Variants in PBRM1 observed in about 807,000 individuals in gnomAD.
PBRM1 encodes the protein protein polybromo-1.
Under a neutral mutation model 194.5 loss-of-function variants are expected in PBRM1, and 27 were observed. The ratio of observed to expected loss-of-function variants is 0.14; its 90% confidence interval spans 0.10 to 0.19. PBRM1 has a LOEUF of 0.19. Ranked by LOEUF, PBRM1 falls within the 10% of genes least tolerant of loss-of-function variation. The probability of loss-of-function intolerance (pLI) is 1.00; values close to 1 mark genes in which losing one functional copy is unlikely to be tolerated. For missense variants in PBRM1, 1,466 were observed against 2,077.2 expected (o/e 0.71, Z 5.72); for synonymous variants, 655 against 693.2 (o/e 0.94, Z 0.87).
intron 12 of PBRM1, among the ~76,000 whole-genome samples, chr3:52,628,414 ATATAT>A (rs1362839943): frequency 1.3e-5 from 2 of 148,568 alleles, no homozygotes; most frequent in African/African-American, 2.4e-5. Context: ...CATAATAAAT[ATATAT>A]TATAATACAT....
intron 13 of PBRM1, among the ~76,000 whole-genome samples, chr3:52,623,822 T>C (rs186973441): frequency 1.3e-5 from 2 of 152,310 alleles, no homozygotes; most frequent in African/African-American, 4.8e-5. Context: ...GAACTCAGGG[T>C]TGTAACACTA....
chr3:52,559,103 A>G (rs17052256), intron 25 of PBRM1, among the ~76,000 whole-genome samples: 63,235 of 152,092 alleles, frequency 0.42, 13,390 homozygotes, highest in Admixed American at 0.5. Context: ...TTAAATAAAC[A>G]CGTATGTAGC....
intron 14 of PBRM1, among the ~76,000 whole-genome samples, 183 bp downstream of exon 16, chr3:52,617,079 G>A (rs1202378441): frequency 1.3e-5 from 2 of 152,108 alleles, no homozygotes; most frequent in African/African-American, 4.8e-5. Context: ...TTACAAAGTA[G>A]GAACGTTTAT....
intron 6 of PBRM1, among the ~76,000 whole-genome samples, chr3:52,650,961 G>A (rs1210681847): frequency 6.6e-6 from 1 of 152,146 alleles, no homozygotes; most frequent in Non-Finnish European, 1.5e-5. Flanking sequence ...ACTCTGTACA[G>A]AAACAGTAAG....
At chr3:52,549,023 G>GTT (rs530711822) in intron 29 of PBRM1, among the ~76,000 whole-genome samples, 140 of 138,346 alleles carry the variant, frequency 1.0e-3, no homozygotes, top group Middle Eastern at 7.6e-3. Context: ...AGGTAAAATA[G>GTT]TTTTTTTTTT....
chr3:52,650,002 T>G (rs1021409059), intron 6 of PBRM1, among the ~76,000 whole-genome samples: 3 of 152,032 alleles, frequency 2.0e-5, no homozygotes, highest in African/African-American at 7.2e-5. Flanking sequence ...CCTACACAGA[T>G]GTTAGAAATT....
exon 25 of PBRM1, chr3:52,561,845 A>C: frequency 6.2e-7 from 1 of 1,614,166 alleles, no homozygotes; most frequent in South Asian, 1.1e-5. Context: ...CCGAAAGAGT[A>C]GTCTGGGTGT....
At chr3:52,554,701 G>C in intron 27 of PBRM1, 23 bp downstream of exon 29, 1 of 1,531,386 alleles carries the variant, frequency 6.5e-7, no homozygotes, top group East Asian at 2.4e-5. Context: ...AGATTAATGA[G>C]TGAATGAGGA....
intron 7 of PBRM1, among the ~76,000 whole-genome samples, chr3:52,647,451 AAAAAAAATATATATATAT>A (rs1409212994): frequency 1.3e-5 from 1 of 75,408 alleles, no homozygotes; most frequent in East Asian, 3.2e-4. Context: ...AAAAAAAAAA[AAAAAAAATATATATATAT>A]ATATATATAT....
chr3:52,652,452 G>A (rs947646860), intron 5 of PBRM1, among the ~76,000 whole-genome samples: 3 of 151,794 alleles, frequency 2.0e-5, no homozygotes, highest in African/African-American at 7.3e-5. Context: ...ACTTTGGGAG[G>A]CCGAGGCGGG....
intron 11 of PBRM1, among the ~76,000 whole-genome samples, chr3:52,630,720 C>T (rs1032692707): frequency 1.3e-5 from 2 of 152,170 alleles, no homozygotes; most frequent in African/African-American, 2.4e-5. Flanking sequence ...AACAACTTCC[C>T]TATTCCTTAC....
At chr3:52,639,164 G>T (rs1445837635) in intron 10 of PBRM1, among the ~76,000 whole-genome samples, 1 of 151,930 alleles carries the variant, frequency 6.6e-6, no homozygotes, top group African/African-American at 2.4e-5. Flanking sequence ...TAGAGACAGA[G>T]AAAGTTTCTC....
chr3:52,547,380 T>G, downstream of PBRM1: 2 of 233,182 alleles, frequency 8.6e-6, no homozygotes, highest in African/African-American at 2.2e-5. Flanking sequence ...AGGAGGTACA[T>G]TAGCTGCAGA....
intron 17 of PBRM1, among the ~76,000 whole-genome samples, chr3:52,602,996 A>C (rs1489148084): frequency 1.3e-5 from 2 of 152,246 alleles, no homozygotes; most frequent in African/African-American, 4.8e-5. Context: ...TGTAATCATA[A>C]GGTCCTGTTA....
intron 10 of PBRM1, among the ~76,000 whole-genome samples, chr3:52,639,357 C>T (rs1481127851): frequency 6.6e-6 from 1 of 152,098 alleles, no homozygotes; most frequent in Non-Finnish European, 1.5e-5. Flanking sequence ...GACAATCTCA[C>T]CTCAGACTTA....
intron 26 of PBRM1, among the ~76,000 whole-genome samples, chr3:52,556,657 G>A (rs2082280210): frequency 6.6e-6 from 1 of 152,192 alleles, no homozygotes; most frequent in African/African-American, 2.4e-5. Flanking sequence ...AAGCAAAGCT[G>A]GTCTCAAGAC....
rs116758482 is a variant in PBRM1 at position 52,662,287 on chromosome 3, G to T, written c.385-11C>A. ...TTCAGGAGAATCTGGCTGTATGTTA[G>T]CAAAGAGAAAAAAAAAAACACTTTA... On this transcript the variant is annotated splice_polypyrimidine_tract_variant and intron_variant, in intron 3 of 29. Transcript: ENST00000296302. 6.4e-7 allele frequency: 1 copy of T among 1,571,394 alleles called. No individual in the cohort carries two copies.
intron 13 of PBRM1, among the ~76,000 whole-genome samples, chr3:52,624,562 G>T (rs1019782190): frequency 6.6e-6 from 1 of 152,178 alleles, no homozygotes; most frequent in Non-Finnish European, 1.5e-5. Flanking sequence ...AGGCATCCCT[G>T]AAAGGGAATC....
rs983938949 is a variant in PBRM1 at position 52,651,920 on chromosome 3, G to C, written c.646-110C>G. ...TTCAAACAACCAGTGAAGCAGCTTT[G>C]TGAGATTCAAGACTAAAGACATGGC... On this transcript the variant is annotated intron_variant, in intron 5 of 29. Coordinates refer to ENST00000296302, the Ensembl canonical transcript of PBRM1. The C allele has an allele frequency of 2.6e-5, 18 of 682,250 alleles. No homozygotes were observed. The African/African-American group carries it at 2.9e-4, about 11-fold the overall frequency. The allele number at this position is 682,250 out of a possible 1,614,324, so 42.3% of individuals were successfully genotyped here. A position where few individuals can be genotyped will look rare whatever the true frequency, so the allele number is the denominator to read the frequency against.
Sources: allele counts gnomAD v4.1 joint callset (sites outside exome capture counted in the v4.1 genomes callset), GRCh38; gene constraint gnomAD v4.1.1; transcripts MANE v1.5; gene names NCBI Gene and HGNC (gene_info 2026-07-23, HGNC 2026-07-21).